Variants in MTUS2 observed in about 807,000 individuals in gnomAD.
MTUS2 encodes the protein microtubule-associated tumor suppressor candidate 2.
In MTUS2, 40 loss-of-function variants were observed where a neutral mutation model predicts 114.1. The ratio of observed to expected loss-of-function variants is 0.35; its 90% CI spans 0.27 to 0.46. The LOEUF is 0.46. Among genes scored for constraint, MTUS2 ranks in the 20% least tolerant of loss-of-function variants. The pLI, the probability that MTUS2 is intolerant of heterozygous loss-of-function variation, is 1.00. For synonymous variants in MTUS2, 688 were observed against 672.0 expected (o/e 1.02, Z -0.37); for missense variants, 1,679 against 1,705.4 (o/e 0.98, Z 0.27).
intron 6 of MTUS2, among the ~76,000 whole-genome samples, chr13:29,319,824 T>G (rs1296274245): frequency 6.6e-6 from 1 of 150,618 alleles, no homozygotes; most frequent in Non-Finnish European, 1.5e-5. Context: ...CTGAATAGGG[T>G]CTAAGGAAAT....
At chr13:29,282,744 A>G (rs1026149489) in intron 6 of MTUS2, among the ~76,000 whole-genome samples, 1 of 152,276 alleles carries the variant, frequency 6.6e-6, no homozygotes, top group Non-Finnish European at 1.5e-5. Context: ...GTATCATCAT[A>G]TCAATGTATA....
At chr13:29,449,245 C>T (rs897642161) in intron 9 of MTUS2, among the ~76,000 whole-genome samples, 4 of 151,112 alleles carry the variant, frequency 2.6e-5, no homozygotes, top group Non-Finnish European at 5.9e-5. Flanking sequence ...TATAAGTTTG[C>T]GGCAGTGAGC....
chr13:29,080,562 G>A (rs993118889), intron 4 of MTUS2, among the ~76,000 whole-genome samples: 1 of 152,188 alleles, frequency 6.6e-6, no homozygotes, highest in Non-Finnish European at 1.5e-5. Flanking sequence ...TCGAGGGCAG[G>A]AAGCATCCAG....
chr13:29,343,533 G>T (rs1901508382), intron 7 of MTUS2, among the ~76,000 whole-genome samples: 2 of 151,612 alleles, frequency 1.3e-5, no homozygotes, highest in South Asian at 4.2e-4. Context: ...GGTTTATTTG[G>T]ATCTTCCCTC....
intron 8 of MTUS2, among the ~76,000 whole-genome samples, chr13:29,431,187 G>C (rs550340578): frequency 6.6e-6 from 1 of 152,036 alleles, no homozygotes; most frequent in East Asian, 1.9e-4. Context: ...TGAATATGAG[G>C]ATGCTTATTT....
intron 2 of MTUS2, among the ~76,000 whole-genome samples, chr13:29,013,140 C>T (rs538387413): frequency 4.6e-4 from 70 of 152,248 alleles, no homozygotes; most frequent in Admixed American, 8.5e-4. Flanking sequence ...TTCTGTGATT[C>T]GGGGTGTTTC....
chr13:29,442,650 G>C (rs984484661), intron 9 of MTUS2, among the ~76,000 whole-genome samples: 3 of 25,422 alleles, frequency 1.2e-4, no homozygotes, highest in Non-Finnish European at 2.3e-4. Flanking sequence ...AGGCAGCATT[G>C]GTGTGTTTCC....
chr13:29,241,530 G>A (rs527602717), intron 5 of MTUS2, among the ~76,000 whole-genome samples: 3 of 152,060 alleles, frequency 2.0e-5, no homozygotes, highest in Admixed American at 6.6e-5. Context: ...TTTTCAGAGC[G>A]GCCGCCCTCC....
chr13:28,979,204 A>C (rs1884249569), intron 2 of MTUS2, among the ~76,000 whole-genome samples: 1 of 152,228 alleles, frequency 6.6e-6, no homozygotes, highest in Admixed American at 6.5e-5. Flanking sequence ...TTGAGGACTT[A>C]AACAAAACTC....
intron 2 of MTUS2, among the ~76,000 whole-genome samples, chr13:28,875,951 G>A (rs1297517927): frequency 1.3e-5 from 2 of 152,086 alleles, no homozygotes; most frequent in East Asian, 1.9e-4. Flanking sequence ...GCTGGGTAGC[G>A]GAATGCCAGA....
rs145175755 is a variant in MTUS2, at chr13:28,884,962, C to CTGTG, written c.-243+45124_-243+45127dup. On this transcript the variant is annotated intron_variant, in intron 2 of 15. Coordinates refer to ENST00000612955, the MANE Select transcript of MTUS2 (RefSeq NM_001033602.4). ...TTTATCATTTTGTCAGCGTCCTCAC[C>CTGTG]TGTGTGTGTGTGTGTATAAAAATTA... Among the ~76,000 whole-genome samples the CTGTG allele has an allele frequency of 1.8e-3, 273 of 151,184 alleles. 1 individual carries two copies. Among genetic ancestry groups the CTGTG allele is most frequent in the African/African-American group, 6.3e-3 (262 of 41,268 alleles).
chr13:29,058,630 ATGTG>A (rs1888259516), intron 4 of MTUS2, among the ~76,000 whole-genome samples: 5 of 145,152 alleles, frequency 3.4e-5, no homozygotes, highest in Non-Finnish European at 7.5e-5. Flanking sequence ...TTTAGGGTAC[ATGTG>A]CATGTGCCAT....
At chr13:29,501,945 A>G (rs754207686) in intron 15 of MTUS2, among the ~76,000 whole-genome samples, 1 of 152,178 alleles carries the variant, frequency 6.6e-6, no homozygotes, top group Non-Finnish European at 1.5e-5. Context: ...ACCTATTCAC[A>G]TGCCCTGTTT....
intron 6 of MTUS2, among the ~76,000 whole-genome samples, chr13:29,290,797 A>G (rs572412742): frequency 6.6e-6 from 1 of 152,252 alleles, no homozygotes; most frequent in South Asian, 2.1e-4. Flanking sequence ...GATGTCTGCA[A>G]TTGGCTGAAG....
chr13:29,074,855 G>A (rs1163110124), intron 4 of MTUS2, among the ~76,000 whole-genome samples: 3 of 152,106 alleles, frequency 2.0e-5, no homozygotes, highest in African/African-American at 7.2e-5. Flanking sequence ...GTTTTATTGA[G>A]ATATAATTCA....
At chr13:29,118,849 A>G (rs552542978) in intron 5 of MTUS2, among the ~76,000 whole-genome samples, 1 of 152,184 alleles carries the variant, frequency 6.6e-6, no homozygotes, top group Non-Finnish European at 1.5e-5. Flanking sequence ...GTGGGTGACC[A>G]GTGTCCTCCC....
chr13:29,329,298 C>T (rs1367601838), intron 7 of MTUS2, among the ~76,000 whole-genome samples: 1 of 151,042 alleles, frequency 6.6e-6, no homozygotes, highest in Non-Finnish European at 1.5e-5. Flanking sequence ...CACCCCCTGA[C>T]AGGCCCGGGC....
chr13:29,119,363 T>A (rs1378072348), intron 5 of MTUS2, among the ~76,000 whole-genome samples: 1 of 152,150 alleles, frequency 6.6e-6, no homozygotes, highest in Non-Finnish European at 1.5e-5. Context: ...CAAAAAAAAA[T>A]GATAAATGGC....
chr13:29,397,780 G>A (rs555355442), intron 8 of MTUS2, among the ~76,000 whole-genome samples: 2 of 152,236 alleles, frequency 1.3e-5, no homozygotes, highest in Non-Finnish European at 2.9e-5. Context: ...CAACCCTTTT[G>A]TCATTTCCTT....
Sources: allele counts gnomAD v4.1 joint callset (sites outside exome capture counted in the v4.1 genomes callset), GRCh38; gene constraint gnomAD v4.1.1; transcripts MANE v1.5; gene names NCBI Gene and HGNC (gene_info 2026-07-23, HGNC 2026-07-21).